Variants in CSTPP1 observed in about 807,000 individuals in gnomAD.
CSTPP1 encodes the protein centriolar satellite-associated tubulin polyglutamylase complex regulator 1, also known as UPF0705 protein C11orf49.
the CSTPP1 span, among the ~76,000 whole-genome samples, chr11:46,957,288 A>G: frequency 3.3e-5 from 5 of 152,272 alleles, no homozygotes; most frequent in African/African-American, 9.6e-5. Flanking sequence ...TGCTTAAGTA[A>G]GTTTTAGTGC....
At chr11:47,021,803 CCT>C in the CSTPP1 span, among the ~76,000 whole-genome samples, 6 of 152,054 alleles carry the variant, frequency 3.9e-5, no homozygotes, top group Admixed American at 3.9e-4. Context: ...AGCCCAGCAA[CCT>C]CACTTCTTAA....
chr11:47,085,091 C>G, the CSTPP1 span, among the ~76,000 whole-genome samples: 1 of 152,040 alleles, frequency 6.6e-6, no homozygotes, highest in South Asian at 2.1e-4. Flanking sequence ...GTAATCCCAG[C>G]TAGTCGGGAG....
the CSTPP1 span, among the ~76,000 whole-genome samples, chr11:46,980,443 A>G: frequency 6.6e-6 from 1 of 152,244 alleles, no homozygotes; most frequent in Non-Finnish European, 1.5e-5. Flanking sequence ...ATTATAAAAT[A>G]AAAGGTCATT....
the CSTPP1 span, among the ~76,000 whole-genome samples, chr11:47,107,752 T>C: frequency 3.3e-5 from 5 of 152,224 alleles, no homozygotes; most frequent in South Asian, 2.1e-4. Flanking sequence ...TTGAAGCACA[T>C]TGAATTAAGA....
At chr11:47,101,428 T>C in the CSTPP1 span, among the ~76,000 whole-genome samples, 16 of 151,970 alleles carry the variant, frequency 1.1e-4, no homozygotes, top group African/African-American at 3.9e-4. Context: ...CAAGTATGGA[T>C]AGTTTTAAGA....
chr11:46,975,012 G>A, the CSTPP1 span, among the ~76,000 whole-genome samples: 1 of 147,420 alleles, frequency 6.8e-6, no homozygotes, highest in African/African-American at 2.4e-5. Flanking sequence ...TCTGGGTGCA[G>A]TGGCTCACAC....
chr11:47,055,414 G>A, the CSTPP1 span, among the ~76,000 whole-genome samples: 3 of 120,810 alleles, frequency 2.5e-5, no homozygotes, highest in East Asian at 8.7e-4. Context: ...TCAGTGAATA[G>A]GTAGTCTCCC....
At chr11:46,958,705 G>A in the CSTPP1 span, among the ~76,000 whole-genome samples, 2 of 152,070 alleles carry the variant, frequency 1.3e-5, no homozygotes, top group Non-Finnish European at 2.9e-5. Flanking sequence ...TGCCTGCAAG[G>A]TAGAGAACCA....
At chr11:47,016,237 A>G in the CSTPP1 span, among the ~76,000 whole-genome samples, 1 of 152,204 alleles carries the variant, frequency 6.6e-6, no homozygotes. Context: ...TTCCTGCTAA[A>G]ATCAGGAACA....
At chr11:47,058,915 G>A in the CSTPP1 span, among the ~76,000 whole-genome samples, 1 of 152,136 alleles carries the variant, frequency 6.6e-6, no homozygotes, top group Non-Finnish European at 1.5e-5. Flanking sequence ...TATTCTAGGA[G>A]AAGAAACAGT....
chr11:46,954,713 C>T, the CSTPP1 span, among the ~76,000 whole-genome samples: 2 of 151,496 alleles, frequency 1.3e-5, no homozygotes, highest in African/African-American at 4.8e-5. Context: ...TCAAATGGGT[C>T]TATAAGAGTT....
the CSTPP1 span, among the ~76,000 whole-genome samples, chr11:47,108,704 CTTT>C: frequency 8.4e-6 from 1 of 118,364 alleles, no homozygotes; most frequent in Non-Finnish European, 1.6e-5. Flanking sequence ...GTACTATCTA[CTTT>C]TTTTTTTTTT....
chr11:47,116,675 G>GTTTT, the CSTPP1 span, among the ~76,000 whole-genome samples: 172 of 83,920 alleles, frequency 2.0e-3, 4 homozygotes, highest in Non-Finnish European at 2.4e-3. Flanking sequence ...TGCTTGGTAG[G>GTTTT]TTTTTTTTTT....
the CSTPP1 span, among the ~76,000 whole-genome samples, chr11:46,985,268 T>C: frequency 1.3e-5 from 2 of 152,172 alleles, no homozygotes; most frequent in Non-Finnish European, 2.9e-5. Context: ...ATGAAGACTT[T>C]TGGGCTCAGG....
the CSTPP1 span, chr11:47,157,948 G>A: frequency 6.4e-5 from 101 of 1,587,100 alleles, no homozygotes; most frequent in African/African-American, 1.2e-3. Flanking sequence ...GCAGCCGTCA[G>A]CCTCTCCTGC....
chr11:47,101,596 T>C, the CSTPP1 span, among the ~76,000 whole-genome samples: 1 of 151,496 alleles, frequency 6.6e-6, no homozygotes, highest in Non-Finnish European at 1.5e-5. Flanking sequence ...GTGATATTCA[T>C]CTTAGAAAAA....
At chr11:47,086,048 A>G in the CSTPP1 span, among the ~76,000 whole-genome samples, 1 of 151,788 alleles carries the variant, frequency 6.6e-6, no homozygotes, top group Non-Finnish European at 1.5e-5. Flanking sequence ...ACTTCAGCAG[A>G]CTTGACATCC....
chr11:46,987,140 AGG>A, the CSTPP1 span: 1 of 1,483,616 alleles, frequency 6.7e-7, no homozygotes, highest in Non-Finnish European at 9.4e-7. Context: ...ACCTCCTACT[AGG>A]ATTGGGATCA....
chr11:47,141,702 A>C, the CSTPP1 span, among the ~76,000 whole-genome samples: 2 of 151,574 alleles, frequency 1.3e-5, no homozygotes, highest in African/African-American at 4.9e-5. Context: ...GGAAGGCTGA[A>C]GCAGGAGGAT....
Sources: gnomAD v4.1 joint callset for allele counts (sites outside exome capture counted in the v4.1 genomes callset) on GRCh38, gnomAD v4.1.1 for gene constraint, MANE v1.5 for transcripts, NCBI Gene and HGNC (gene_info 2026-07-23, HGNC 2026-07-21) for gene names.